CCDC181: variants seen among roughly 807,000 people sequenced by gnomAD.
CCDC181 encodes the protein coiled-coil domain-containing protein 181.
A neutral mutation model predicts 58.7 loss-of-function variants in CCDC181; 35 were observed. That is an observed-to-expected ratio of 0.60 (90% CI 0.46 to 0.79). CCDC181 has a LOEUF of 0.79. Ranked by LOEUF, CCDC181 falls within the 30% of genes least tolerant of loss-of-function variation. The pLI is 0.00. For missense variants in CCDC181, 517 were observed against 583.9 expected (o/e 0.89, Z 1.18); for synonymous variants, 183 against 197.5 (o/e 0.93, Z 0.62).
intron 1 of CCDC181, among the ~76,000 whole-genome samples, chr1:169,425,641 A>G (rs1256515811): frequency 6.6e-6 from 1 of 152,118 alleles, no homozygotes; most frequent in African/African-American, 2.4e-5. Context: ...CTACCTACCA[A>G]TTAAAAGCAA....
rs1379724240 is a variant in CCDC181, at chr1:169,400,641, TAA to T, written c.1216-3252_1216-3251del. On this transcript the variant is annotated intron_variant, in intron 4 of 5. Transcript: ENST00000367806. ...GAAATGAACAGGTGAATATAATGAA[TAA>T]AAAGAGAATCTCAGTAAAGAAATGG... 5.9e-5 allele frequency among the ~76,000 whole-genome samples: 9 copies of T among 152,094 alleles called. No individual in the cohort carries two copies. In the South Asian group the frequency reaches 1.0e-3, roughly 18 times the overall value.
At chr1:169,412,497 C>T (rs892790648) in intron 4 of CCDC181, among the ~76,000 whole-genome samples, 10 of 152,102 alleles carry the variant, frequency 6.6e-5, no homozygotes, top group African/African-American at 1.9e-4. Flanking sequence ...CTACCATTGA[C>T]GTTCTTCACA....
intron 3 of CCDC181, 130 bp from the exon 4 acceptor site, chr1:169,419,289 G>A: frequency 8.8e-7 from 1 of 1,137,816 alleles, no homozygotes; most frequent in Non-Finnish European, 1.2e-6. Context: ...CAGAAAACTG[G>A]TCCTTCTAGG....
intron 3 of CCDC181, among the ~76,000 whole-genome samples, chr1:169,420,744 C>G (rs1656416591): frequency 6.6e-6 from 1 of 152,004 alleles, no homozygotes; most frequent in East Asian, 1.9e-4. Flanking sequence ...AGAAAACTCA[C>G]CAGTTTAAGT....
At chr1:169,426,843 C>T (rs1226854086) in intron 1 of CCDC181, among the ~76,000 whole-genome samples, 2 of 152,144 alleles carry the variant, frequency 1.3e-5, no homozygotes, top group East Asian at 3.8e-4. Flanking sequence ...TAAACTGTCA[C>T]AAAGTATGAT....
intron 4 of CCDC181, among the ~76,000 whole-genome samples, chr1:169,402,906 A>G (rs1279200753): frequency 1.3e-5 from 2 of 152,024 alleles, no homozygotes; most frequent in East Asian, 3.9e-4. Flanking sequence ...TGTATTCAGG[A>G]TACCCATGTG....
In CCDC181 at chr1:169,458,195, T is replaced by G. The variant is rs962774951; in HGVS notation, c.-24+1602A>C. Among the ~76,000 whole-genome samples, 19 of 86,154 alleles carry G rather than the reference T, an allele frequency of 2.2e-4. 1 individual carries two copies. Among genetic ancestry groups the G allele is most frequent in the African/African-American group, 6.2e-4 (18 of 29,210 alleles). The allele number at this position is 86,154 out of a possible 152,430, so 56.5% of individuals were successfully genotyped here. On this transcript the variant is annotated intron_variant, in intron 2 of 6. Coordinates refer to the CCDC181 transcript ENST00000545005. ...TTTTTGTTTTTTTTTTTTTGTTTTG[T>G]TTTTTTTGCCATTTAAAAGTATGGC...
At chr1:169,418,363 A>C (rs1373505872) in intron 4 of CCDC181, among the ~76,000 whole-genome samples, 3 of 152,192 alleles carry the variant, frequency 2.0e-5, no homozygotes, top group Non-Finnish European at 4.4e-5. Context: ...GAAGTGAAAA[A>C]AAACTGAATA....
chr1:169,459,691 C>G (rs1657784293), intron 2 of CCDC181: 1 of 151,954 alleles, frequency 6.6e-6, no homozygotes, highest in Middle Eastern at 3.2e-3. Flanking sequence ...CCCACTATGG[C>G]TATTCTCTGG....
rs1002671068 is a variant in CCDC181, at chr1:169,423,134, C to G, written c.118-821G>C. Among the ~76,000 whole-genome samples, 3 of 150,806 alleles carry G rather than the reference C, an allele frequency of 2.0e-5. No individual in the cohort carries two copies. The East Asian group carries it at 5.8e-4, about 29-fold the overall frequency. On this transcript the variant is annotated intron_variant, in intron 2 of 5. Transcript: ENST00000367806. ...TAAAGCAGTTCTATGGGAGCTACTA[C>G]ATGCTTCTCTCTTCAACCCCTTAAA...
At chr1:169,418,075 C>T (rs1353311443) in intron 4 of CCDC181, among the ~76,000 whole-genome samples, 1 of 152,150 alleles carries the variant, frequency 6.6e-6, no homozygotes, top group Non-Finnish European at 1.5e-5. Context: ...ACTATAAATT[C>T]ATATTATCTT....
At chr1:169,413,876 G>T (rs1444874580) in intron 4 of CCDC181, among the ~76,000 whole-genome samples, 1 of 151,990 alleles carries the variant, frequency 6.6e-6, no homozygotes, top group Admixed American at 6.6e-5. Context: ...TCGGAGGGTG[G>T]GGGGCTAGGG....
chr1:169,406,280 A>C (rs1655651515), intron 4 of CCDC181, among the ~76,000 whole-genome samples: 1 of 152,232 alleles, frequency 6.6e-6, no homozygotes, highest in South Asian at 2.1e-4. Flanking sequence ...CATTTGACCC[A>C]GCCATCCCAT....
At chr1:169,453,424 G>A (rs1415429236) in intron 2 of CCDC181, among the ~76,000 whole-genome samples, 1 of 152,044 alleles carries the variant, frequency 6.6e-6, no homozygotes, top group African/African-American at 2.4e-5. Flanking sequence ...TATGTAAGCT[G>A]CTAGATTTTC....
chr1:169,442,655 A>G (rs1657264014), intron 2 of CCDC181: 1 of 152,138 alleles, frequency 6.6e-6, no homozygotes, highest in African/African-American at 2.4e-5. Flanking sequence ...TAACACACAT[A>G]TATTTGAAAT....
chr1:169,430,737 T>C (rs73041774), upstream of CCDC181, among the ~76,000 whole-genome samples: 4,462 of 150,968 alleles, frequency 0.03, 186 homozygotes, highest in African/African-American at 0.1. Context: ...TTATTGAAAA[T>C]GAAAGTACAC....
chr1:169,455,042 A>G (rs1213679583), intron 2 of CCDC181, among the ~76,000 whole-genome samples: 1 of 151,982 alleles, frequency 6.6e-6, no homozygotes, highest in Non-Finnish European at 1.5e-5. Flanking sequence ...TTGCCACTGT[A>G]TAACATTCCG....
chr1:169,402,927 C>T (rs1033824511), intron 4 of CCDC181, among the ~76,000 whole-genome samples: 11 of 149,728 alleles, frequency 7.3e-5, no homozygotes, highest in African/African-American at 2.7e-4. Flanking sequence ...CAGAGACACA[C>T]ATAGGCTCAA....
At position 169,397,352 on chromosome 1, in the gene CCDC181, G is replaced by C. The variant is rs1331062626; in HGVS notation, c.1255C>G (p.Leu419Val). The C allele has an allele frequency of 1.2e-6, 2 of 1,608,098 alleles. No homozygotes were observed. Among genetic ancestry groups the C allele is most frequent in the Admixed American group, 3.4e-5 (2 of 59,254 alleles). Residue 419 changes from leucine (L) to valine (V), a missense_variant, in exon 5 of 6, where the codon CTT (leucine) becomes GTT (valine). Leu to Val is a conservative substitution (Grantham distance 32). Coordinates refer to ENST00000367806, the MANE Select transcript of CCDC181 (RefSeq NM_001300969.2). ...RDPQQAFRLWLKKKHEEQMKE... is the reference protein window; with the variant it reads ...RDPQQAFRLWVKKKHEEQMKE... ...ATCTGCTCTTCGTGCTTTTTTTTAA[G>C]CCATAATCGAAAAGCTTGTTGTGGA...
Sources: gnomAD v4.1 joint callset for allele counts (sites outside exome capture counted in the v4.1 genomes callset) on GRCh38, gnomAD v4.1.1 for gene constraint, MANE v1.5 for transcripts, NCBI Gene and HGNC (gene_info 2026-07-23, HGNC 2026-07-21) for gene names.